ASIC2: variants seen among roughly 807,000 people sequenced by gnomAD.
The protein encoded by ASIC2 is acid sensing ion channel subunit 2, also known as acid-sensing ion channel 2.
A neutral mutation model predicts 57.3 loss-of-function variants in ASIC2; 25 were observed. That is an observed-to-expected ratio of 0.44 (90% CI 0.32 to 0.61). The LOEUF (loss-of-function observed/expected upper bound fraction) is 0.61, where lower values mean the gene tolerates loss of function less well. Ranked by LOEUF, ASIC2 falls within the 20% of genes least tolerant of loss-of-function variation. The probability of loss-of-function intolerance (pLI) is 0.06; values close to 1 mark genes in which losing one functional copy is unlikely to be tolerated. For missense variants in ASIC2, 641 were observed against 738.1 expected, an observed-to-expected ratio of 0.87 and a Z score of 1.52; for synonymous variants, 319 against 307.5, an observed-to-expected ratio of 1.04 and a Z score of -0.39.
intron 1 of ASIC2, among the ~76,000 whole-genome samples, chr17:33,231,344 G>A (rs1042417630): frequency 3.9e-5 from 6 of 152,150 alleles, no homozygotes; most frequent in Admixed American, 6.5e-5. Flanking sequence ...TCCAGATTGC[G>A]GGTACCTGGA....
intron 1 of ASIC2, among the ~76,000 whole-genome samples, chr17:33,727,285 A>G (rs1909591436): frequency 6.6e-6 from 1 of 152,244 alleles, no homozygotes; most frequent in Non-Finnish European, 1.5e-5. Context: ...AGATGGCAAC[A>G]CAGGATCCCA....
At chr17:34,097,365 G>A (rs754469685) in intron 1 of ASIC2, among the ~76,000 whole-genome samples, 12 of 152,148 alleles carry the variant, frequency 7.9e-5, no homozygotes, top group Non-Finnish European at 1.3e-4. Flanking sequence ...TGGAGGGGGT[G>A]GGAGAGAAGA....
At chr17:33,525,375 C>T (rs1914857818) in intron 1 of ASIC2, among the ~76,000 whole-genome samples, 2 of 152,192 alleles carry the variant, frequency 1.3e-5, no homozygotes, top group Admixed American at 1.3e-4. Context: ...GCTACCACTC[C>T]ACCACCCCTT....
rs1912294652 is a variant in ASIC2, at chr17:34,142,374, A to G, written c.555+13604T>C. On this transcript the variant is annotated intron_variant, in intron 1 of 9. Coordinates refer to the ASIC2 transcript ENST00000359872. ...AACAGAAAGAAAGAGACAGAAATAC[A>G]TATAGTGCTGGATTAGAAGTCAAAA... 3.9e-5 allele frequency among the ~76,000 whole-genome samples: 6 copies of G among 152,200 alleles called. No homozygotes were observed. In the South Asian group the frequency reaches 1.2e-3, roughly 31 times the overall value.
At position 34,031,560 on chromosome 17, in the gene ASIC2, C is replaced by T. The variant is rs138692872; in HGVS notation, c.555+124418G>A. On this transcript the variant is annotated intron_variant, in intron 1 of 9. Coordinates refer to the ASIC2 transcript ENST00000359872. ...AAGAAGGCTTCAGATGATCAAACTA[C>T]TCCAAGCTACAGGAGGAAATTCGAA... Among the ~76,000 whole-genome samples, 933 of 152,258 alleles carry T rather than the reference C, an allele frequency of 6.1e-3. 11 individuals carry two copies. Among genetic ancestry groups the T allele is most frequent in the African/African-American group, 0.021 (871 of 41,528 alleles).
intron 1 of ASIC2, among the ~76,000 whole-genome samples, chr17:33,362,066 G>C (rs530235943): frequency 6.6e-6 from 1 of 152,336 alleles, no homozygotes; most frequent in East Asian, 1.9e-4. Flanking sequence ...CTAGTTGGGA[G>C]TGGTGGACAC....
At chr17:33,573,828 A>G (rs970760187) in intron 1 of ASIC2, among the ~76,000 whole-genome samples, 4 of 152,168 alleles carry the variant, frequency 2.6e-5, no homozygotes, top group Non-Finnish European at 5.9e-5. Context: ...GGCCTCCCAA[A>G]GTGCTAGAAT....
At chr17:33,905,246 T>C (rs1351794103) in intron 1 of ASIC2, among the ~76,000 whole-genome samples, 4 of 148,504 alleles carry the variant, frequency 2.7e-5, no homozygotes, top group Non-Finnish European at 5.9e-5. Context: ...GTGGCAGAAC[T>C]GGAATTAGAA....
chr17:33,903,786 A>G (rs533698104), intron 1 of ASIC2, among the ~76,000 whole-genome samples: 6 of 152,318 alleles, frequency 3.9e-5, no homozygotes, highest in African/African-American at 1.2e-4. Context: ...GGGGCTTAAT[A>G]CAGAGTCAGG....
rs569593906 is a variant in ASIC2, at chr17:34,145,271, G to T, written c.555+10707C>A. ...TGACTTCTGAGACACTTAGCTTCAAGACTACACAGTATTGGGAAATGGGGT... is the reference window on the plus strand; with the variant it reads ...TGACTTCTGAGACACTTAGCTTCAATACTACACAGTATTGGGAAATGGGGT... On this transcript the variant is annotated intron_variant, in intron 1 of 9. Coordinates refer to the ASIC2 transcript ENST00000359872. Among the ~76,000 whole-genome samples the T allele has an allele frequency of 2.0e-5, 3 of 152,232 alleles. No individual in the cohort carries two copies. The South Asian group carries it at 6.2e-4, about 32-fold the overall frequency.
intron 1 of ASIC2, among the ~76,000 whole-genome samples, chr17:33,374,546 A>T (rs949675168): frequency 5.9e-5 from 9 of 151,934 alleles, no homozygotes; most frequent in African/African-American, 1.9e-4. Flanking sequence ...TTGAGTAATA[A>T]CTCCCTGTCC....
At chr17:33,299,144 G>A (rs974776903) in intron 1 of ASIC2, among the ~76,000 whole-genome samples, 16 of 152,180 alleles carry the variant, frequency 1.1e-4, no homozygotes, top group Non-Finnish European at 1.3e-4. Flanking sequence ...AATCCTAAGC[G>A]AAAAGAACAA....
chr17:33,713,254 A>G (rs1388734765), intron 1 of ASIC2, among the ~76,000 whole-genome samples: 4 of 152,184 alleles, frequency 2.6e-5, no homozygotes, highest in East Asian at 1.9e-4. Flanking sequence ...AGGGTTTGCC[A>G]TATGACAAAC....
At chr17:33,994,707 G>A (rs1906100683) in intron 1 of ASIC2, among the ~76,000 whole-genome samples, 1 of 152,112 alleles carries the variant, frequency 6.6e-6, no homozygotes. Flanking sequence ...AAGGTCCAGT[G>A]GTATCTAGTG....
chr17:34,088,513 G>GC (rs1223164309), intron 1 of ASIC2, among the ~76,000 whole-genome samples: 1 of 152,210 alleles, frequency 6.6e-6, no homozygotes, highest in Non-Finnish European at 1.5e-5. Context: ...GAGGCAGTCT[G>GC]CCCGTTCTCA....
intron 1 of ASIC2, among the ~76,000 whole-genome samples, chr17:33,788,063 G>A (rs1199702841): frequency 6.6e-6 from 1 of 152,164 alleles, no homozygotes; most frequent in Non-Finnish European, 1.5e-5. Context: ...TGACAAATGG[G>A]ATCTAATTAA....
At chr17:33,413,093 A>G (rs945459862) in intron 1 of ASIC2, among the ~76,000 whole-genome samples, 1 of 152,140 alleles carries the variant, frequency 6.6e-6, no homozygotes, top group Non-Finnish European at 1.5e-5. Context: ...ATGGGGGCAT[A>G]GGGGGTGCCA....
intron 3 of ASIC2, among the ~76,000 whole-genome samples, chr17:33,045,737 C>T (rs1056074949): frequency 3.3e-5 from 5 of 152,302 alleles, no homozygotes; most frequent in African/African-American, 1.2e-4. Flanking sequence ...TGGAAAGGGG[C>T]AATTTTCATT....
chr17:33,795,976 A>G (rs193039517), intron 1 of ASIC2, among the ~76,000 whole-genome samples: 35 of 152,370 alleles, frequency 2.3e-4, no homozygotes, highest in African/African-American at 7.9e-4. Flanking sequence ...GGAGAATTCC[A>G]GTAGATTATC....
Sources: allele counts gnomAD v4.1 joint callset (sites outside exome capture counted in the v4.1 genomes callset), GRCh38; gene constraint gnomAD v4.1.1; transcripts MANE v1.5; gene names NCBI Gene and HGNC (gene_info 2026-07-23, HGNC 2026-07-21).